The following AGBL4 variants were observed in gnomAD, a reference collection of about 807,000 sequenced individuals.
AGBL4 encodes the protein AGBL carboxypeptidase 4, also known as cytosolic carboxypeptidase 6.
Under a neutral mutation model 66.4 loss-of-function variants are expected in AGBL4, and 58 were observed. The observed-to-expected ratio is 0.87, with a 90% CI of 0.71 to 1.09. AGBL4 has a LOEUF of 1.09. Among genes scored for constraint, AGBL4 ranks in the 50% least tolerant of loss-of-function variants. The pLI is 0.00. For synonymous variants in AGBL4, 234 were observed against 222.9 expected (o/e 1.05, Z -0.44); for missense variants, 579 against 631.0 (o/e 0.92, Z 0.88).
intron 1 of AGBL4, among the ~76,000 whole-genome samples, chr1:49,902,453 A>C (rs1326952617): frequency 6.6e-6 from 1 of 152,232 alleles, no homozygotes; most frequent in Non-Finnish European, 1.5e-5. Flanking sequence ...TAATCATTAG[A>C]GAAATGCAAA....
intron 11 of AGBL4, among the ~76,000 whole-genome samples, chr1:48,542,089 G>A (rs905246547): frequency 1.3e-5 from 2 of 152,160 alleles, no homozygotes; most frequent in South Asian, 4.1e-4. Flanking sequence ...AGAACATATG[G>A]TGTTTGGTTT....
chr1:49,964,616 C>T (rs957550113), intron 1 of AGBL4, among the ~76,000 whole-genome samples: 11 of 151,950 alleles, frequency 7.2e-5, no homozygotes, highest in African/African-American at 2.7e-4. Flanking sequence ...ATTTATTAAA[C>T]AGTTATTACA....
At chr1:49,611,042 G>A (rs1041405139) in intron 3 of AGBL4, among the ~76,000 whole-genome samples, 6 of 152,212 alleles carry the variant, frequency 3.9e-5, no homozygotes, top group African/African-American at 1.2e-4. Context: ...CTCCAATGGA[G>A]GTTGAGGCTC....
At chr1:49,056,620 A>G (rs1644313817) in intron 4 of AGBL4, among the ~76,000 whole-genome samples, 1 of 152,136 alleles carries the variant, frequency 6.6e-6, no homozygotes, top group African/African-American at 2.4e-5. Context: ...AATAAGTTAG[A>G]AAGTGGGGGA....
At position 48,750,608 on chromosome 1, in the gene AGBL4, G is replaced by A. The variant is rs540637421; in HGVS notation, c.635-87367C>T. Among the ~76,000 whole-genome samples, 231 of 152,166 alleles carry A rather than the reference G, an allele frequency of 1.5e-3. 1 individual carries two copies. The highest frequency in any genetic ancestry group is 2.3e-3 in the Non-Finnish European group (157 of 68,028). On this transcript the variant is annotated intron_variant, in intron 6 of 13. Coordinates refer to ENST00000371839, the MANE Select transcript of AGBL4 (RefSeq NM_032785.4). The stretch of plus-strand genomic sequence containing the variant: ...GTGACTTCTTTAAGGTGGCAAGGGG[G>A]GCTTAACAATTTGATTTCTCCGTGC...
At chr1:49,630,015 G>T (rs1350525142) in intron 3 of AGBL4, among the ~76,000 whole-genome samples, 2 of 152,156 alleles carry the variant, frequency 1.3e-5, no homozygotes, top group Non-Finnish European at 2.9e-5. Context: ...GTCCCTGAAA[G>T]TCAAGCCCCC....
At chr1:49,190,164 T>C (rs909403484) in intron 4 of AGBL4, among the ~76,000 whole-genome samples, 10 of 152,190 alleles carry the variant, frequency 6.6e-5, no homozygotes, top group Admixed American at 1.3e-4. Context: ...TGGTTTCCTC[T>C]AGACAACATG....
chr1:49,846,263 T>C (rs1646140193), intron 2 of AGBL4: 5 of 1,471,250 alleles, frequency 3.4e-6, no homozygotes, highest in East Asian at 2.3e-5. Flanking sequence ...TTGTGGAAAG[T>C]CCTTTAGGCA....
intron 3 of AGBL4, among the ~76,000 whole-genome samples, chr1:49,534,010 G>T (rs1368918303): frequency 6.6e-6 from 1 of 151,662 alleles, no homozygotes; most frequent in Non-Finnish European, 1.5e-5. Flanking sequence ...TCTAAAGAGG[G>T]GTCAAATTTC....
chr1:48,699,640 G>C (rs1646770201), intron 6 of AGBL4, among the ~76,000 whole-genome samples: 1 of 152,066 alleles, frequency 6.6e-6, no homozygotes, highest in South Asian at 2.1e-4. Flanking sequence ...AATTACCCTG[G>C]CTCTCTTACC....
At chr1:49,152,306 C>T (rs1432458982) in intron 4 of AGBL4, among the ~76,000 whole-genome samples, 1 of 152,118 alleles carries the variant, frequency 6.6e-6, no homozygotes, top group African/African-American at 2.4e-5. Context: ...TTTATTTTCC[C>T]TTCTCTTCCC....
At chr1:49,729,636 G>A (rs1164848158) in intron 2 of AGBL4, among the ~76,000 whole-genome samples, 3 of 152,196 alleles carry the variant, frequency 2.0e-5, no homozygotes, top group Non-Finnish European at 2.9e-5. Flanking sequence ...TGGACATACG[G>A]AAGAAACTGA....
intron 3 of AGBL4, among the ~76,000 whole-genome samples, chr1:49,417,202 T>C (rs1304601854): frequency 6.6e-6 from 1 of 152,008 alleles, no homozygotes; most frequent in African/African-American, 2.4e-5. Flanking sequence ...AAAATGACCT[T>C]GGAATTCAGT....
intron 4 of AGBL4, among the ~76,000 whole-genome samples, chr1:49,244,926 A>C (rs1280653632): frequency 1.3e-5 from 2 of 151,808 alleles, no homozygotes; most frequent in Non-Finnish European, 3.0e-5. Context: ...GAATAAATGA[A>C]TGAATGAATT....
intron 3 of AGBL4, among the ~76,000 whole-genome samples, chr1:49,350,662 A>G (rs1377569645): frequency 6.6e-6 from 1 of 152,108 alleles, no homozygotes; most frequent in Non-Finnish European, 1.5e-5. Context: ...GGTTACATGA[A>G]TGTTCTTTAA....
At chr1:48,820,760 T>G (rs1234091511) in intron 6 of AGBL4, among the ~76,000 whole-genome samples, 2 of 152,172 alleles carry the variant, frequency 1.3e-5, no homozygotes, top group Non-Finnish European at 2.9e-5. Flanking sequence ...ATTAGGGGAC[T>G]TAATAAATGA....
chr1:49,977,795 T>C (rs1436505029), intron 1 of AGBL4, among the ~76,000 whole-genome samples: 1 of 152,242 alleles, frequency 6.6e-6, no homozygotes, highest in Non-Finnish European at 1.5e-5. Flanking sequence ...GTTAGGGATA[T>C]TCCTTTTTTC....
chr1:49,993,844 C>G (rs1350934839), intron 1 of AGBL4, among the ~76,000 whole-genome samples: 1 of 152,054 alleles, frequency 6.6e-6, no homozygotes, highest in Admixed American at 6.5e-5. Flanking sequence ...AGAAATAAAC[C>G]TTTGCTGTTG....
intron 2 of AGBL4, among the ~76,000 whole-genome samples, chr1:49,779,999 A>G (rs1177645253): frequency 6.6e-6 from 1 of 152,228 alleles, no homozygotes; most frequent in Non-Finnish European, 1.5e-5. Context: ...ACTTATCATC[A>G]GAAACAATGG....
Sources: gnomAD v4.1 joint callset for allele counts (sites outside exome capture counted in the v4.1 genomes callset) on GRCh38, gnomAD v4.1.1 for gene constraint, MANE v1.5 for transcripts, NCBI Gene and HGNC (gene_info 2026-07-23, HGNC 2026-07-21) for gene names.